The following RASGRF1 variants were observed in gnomAD, a reference collection of about 807,000 sequenced individuals.
The protein encoded by RASGRF1 is ras-specific guanine nucleotide-releasing factor 1.
Under a neutral mutation model 138.7 loss-of-function variants are expected in RASGRF1, and 40 were observed. That is an observed-to-expected ratio of 0.29 (90% CI 0.22 to 0.38). The LOEUF (loss-of-function observed/expected upper bound fraction) is 0.38. Among genes scored for constraint, RASGRF1 ranks in the 10% least tolerant of loss-of-function variants. RASGRF1 has a pLI of 1.00. For missense variants in RASGRF1, 1,108 were observed against 1,650.4 expected, an observed-to-expected ratio of 0.67 and a Z score of 5.69; for synonymous variants, 614 against 663.2, an observed-to-expected ratio of 0.93 and a Z score of 1.14.
At chr15:78,964,180 A>ATTTT (rs200489608) in intron 26 of RASGRF1, among the ~76,000 whole-genome samples, 1 of 146,844 alleles carries the variant, frequency 6.8e-6, no homozygotes, top group Non-Finnish European at 1.5e-5. Flanking sequence ...TTATTTATTT[A>ATTTT]TTTTTTTTTT....
At chr15:78,999,663 C>T in intron 17 of RASGRF1, 80 bp downstream of exon 17, 1 of 1,524,278 alleles carries the variant, frequency 6.6e-7, no homozygotes. Flanking sequence ...CAGAGCAAGT[C>T]CCCGGGACCA....
At chr15:78,972,008 G>A in intron 25 of RASGRF1, 74 bp from the exon 26 acceptor site, 3 of 1,299,014 alleles carry the variant, frequency 2.3e-6, no homozygotes, top group East Asian at 2.3e-5. Context: ...AGAGCTGAAG[G>A]GGCATCAACA....
At chr15:78,997,303 C>A (rs1423045693) in intron 19 of RASGRF1, among the ~76,000 whole-genome samples, 1 of 152,210 alleles carries the variant, frequency 6.6e-6, no homozygotes, top group Non-Finnish European at 1.5e-5. Flanking sequence ...TAGATCTCTG[C>A]AGTGATGGCA....
intron 2 of RASGRF1, among the ~76,000 whole-genome samples, 155 bp downstream of exon 2, chr15:79,064,265 G>A (rs1250715748): frequency 6.6e-6 from 1 of 152,180 alleles, no homozygotes; most frequent in East Asian, 1.9e-4. Context: ...AGAGGTGCAG[G>A]ATGTAAGGGT....
At chr15:79,042,481 C>T (rs1210566068) in intron 5 of RASGRF1, among the ~76,000 whole-genome samples, 1 of 152,238 alleles carries the variant, frequency 6.6e-6, no homozygotes, top group East Asian at 1.9e-4. Flanking sequence ...GGGGCTCACA[C>T]ACAAGGGGGA....
In RASGRF1 at chr15:78,973,678, G is replaced by T. The variant is rs1471697268; in HGVS notation, c.3495-258C>A. 1.3e-5 allele frequency among the ~76,000 whole-genome samples: 2 copies of T among 152,032 alleles called. No homozygotes were observed. Among genetic ancestry groups the T allele is most frequent in the African/African-American group, 4.8e-5 (2 of 41,382 alleles). Reference sequence around the variant, plus strand: ...TACACCCACTGGGGCATCTCAGATTGTCTCTTTCCTCCCTGAGCCAGAAGG... The same window carrying T: ...TACACCCACTGGGGCATCTCAGATTTTCTCTTTCCTCCCTGAGCCAGAAGG... On this transcript the variant is annotated intron_variant, in intron 24 of 26. Transcript: ENST00000558480. This position sits in a 1 kb window ranked among gnomAD's most constrained non-coding sequence, Gnocchi z 4.9.
chr15:79,058,269 T>C (rs761118306), intron 3 of RASGRF1, 65 bp downstream of exon 3: 11 of 1,565,364 alleles, frequency 7.0e-6, no homozygotes, highest in Non-Finnish European at 9.5e-6. Flanking sequence ...TCCCCAATCC[T>C]GCAGGAGCCC....
At chr15:79,080,389 G>A (rs975148923) in intron 1 of RASGRF1, among the ~76,000 whole-genome samples, 32 of 152,194 alleles carry the variant, frequency 2.1e-4, no homozygotes, top group African/African-American at 7.5e-4. Context: ...GCAGGCTTAG[G>A]GCACAGGGAA....
intron 1 of RASGRF1, among the ~76,000 whole-genome samples, chr15:79,086,086 C>A (rs1271831667): frequency 2.0e-5 from 3 of 152,100 alleles, no homozygotes; most frequent in Non-Finnish European, 2.9e-5. Context: ...TCCTGGGGCC[C>A]CACACCTGCT....
At chr15:79,082,677 C>T (rs937604378) in intron 1 of RASGRF1, among the ~76,000 whole-genome samples, 2 of 152,166 alleles carry the variant, frequency 1.3e-5, no homozygotes, top group African/African-American at 4.8e-5. Flanking sequence ...GAGAGATATA[C>T]CCAGGAGGAA....
chr15:79,003,961 T>A lies in RASGRF1; in HGVS notation c.2290A>T (p.Asn764Tyr). Reference protein sequence around the residue: ...LDLAALSCNSNGYTSMYSAMS... With the variant: ...LDLAALSCNSYGYTSMYSAMS... ...GCCGAGTACATGCTGGTGTAGCCAT[T>A]GGAGTTGCAGCTGAGGGCGGCCAGG... Residue 764 changes from asparagine to tyrosine, a missense_variant, in exon 15 of 27, where the codon AAT becomes TAT. This residue lies in a region of RASGRF1 where 686 missense variants were observed against 976.7 expected (regional missense o/e 0.70). Coordinates refer to ENST00000558480, the MANE Select transcript of RASGRF1 (RefSeq NM_001145648.3). The A allele has an allele frequency of 6.2e-7, 1 of 1,614,026 alleles. No individual in the cohort carries two copies. The highest frequency in any genetic ancestry group is 2.2e-5 in the East Asian group (1 of 44,874).
intron 1 of RASGRF1, chr15:79,064,762 C>T (rs2057654560): frequency 1.9e-6 from 1 of 518,478 alleles, no homozygotes; most frequent in Non-Finnish European, 3.4e-6. Context: ...GGAAACAAAA[C>T]ACACAAAGCC....
intron 13 of RASGRF1, among the ~76,000 whole-genome samples, chr15:79,011,363 C>T (rs2056792194): frequency 6.6e-6 from 1 of 152,118 alleles, no homozygotes; most frequent in African/African-American, 2.4e-5. Flanking sequence ...ATACTAGACA[C>T]AGTATACCAA....
chr15:79,057,543 C>A (rs2057527047), intron 3 of RASGRF1, among the ~76,000 whole-genome samples: 1 of 152,190 alleles, frequency 6.6e-6, no homozygotes, highest in African/African-American at 2.4e-5. Flanking sequence ...CCAGATGGTT[C>A]TGAGCATGCT....
At chr15:79,079,043 C>T (rs2141096649) in intron 1 of RASGRF1, among the ~76,000 whole-genome samples, 1 of 152,372 alleles carries the variant, frequency 6.6e-6, no homozygotes, top group East Asian at 1.9e-4. Flanking sequence ...TCAGAATCAG[C>T]CTCGAACGAG....
At position 79,073,488 on chromosome 15, in the gene RASGRF1, G is replaced by A. The variant is rs1595967586; in HGVS notation, c.277-8962C>T. ...TCCGAAGCTATAAGGAGACCACCTGGAGTCGGGGTTGTGAGAGACGAGAAG... is the reference window on the plus strand; with the variant it reads ...TCCGAAGCTATAAGGAGACCACCTGAAGTCGGGGTTGTGAGAGACGAGAAG... On this transcript the variant is annotated intron_variant, in intron 1 of 26. Coordinates refer to ENST00000558480, the MANE Select transcript of RASGRF1 (RefSeq NM_001145648.3). The surrounding 1 kb of genome is among the most constrained non-coding windows in gnomAD (Gnocchi z 4.2). Among the ~76,000 whole-genome samples, 1 of 152,276 alleles carries A rather than the reference G, an allele frequency of 6.6e-6. No individual in the cohort carries two copies. The highest frequency in any genetic ancestry group is 1.9e-4 in the East Asian group (1 of 5,182).
At chr15:79,055,786 A>G (rs954387865) in intron 3 of RASGRF1, among the ~76,000 whole-genome samples, 12 of 152,188 alleles carry the variant, frequency 7.9e-5, no homozygotes, top group African/African-American at 2.7e-4. Context: ...AAGCCCTACT[A>G]TGGCACTGAA....
intron 11 of RASGRF1, 27 bp from the exon 12 acceptor site, chr15:79,017,933 C>T (rs1567526522): frequency 6.2e-7 from 1 of 1,611,222 alleles, no homozygotes; most frequent in Admixed American, 1.7e-5. Flanking sequence ...ATAAAGTTAG[C>T]AGCATGAATG....
chr15:79,049,150 C>T (rs1251467723), intron 4 of RASGRF1, among the ~76,000 whole-genome samples: 1 of 152,024 alleles, frequency 6.6e-6, no homozygotes, highest in Non-Finnish European at 1.5e-5. Context: ...AGAGGTGGCC[C>T]TGGGGGTCTT....
Sources: gnomAD v4.1 joint callset for allele counts (sites outside exome capture counted in the v4.1 genomes callset) on GRCh38, gnomAD v4.1.1 for gene constraint, gnomAD v4.1.1 regional missense constraint, Gnocchi (gnomAD v3.1) non-coding constraint, MANE v1.5 for transcripts, NCBI Gene and HGNC (gene_info 2026-07-23, HGNC 2026-07-21) for gene names.